The following TCERG1L variants were observed in gnomAD, a reference collection of about 807,000 sequenced individuals.
TCERG1L encodes the protein transcription elongation regulator 1-like protein.
TCERG1L carries 37 observed loss-of-function variants against 56.3 expected under a neutral mutation model. The observed-to-expected ratio is 0.66, with a 90% CI of 0.51 to 0.87. The LOEUF (loss-of-function observed/expected upper bound fraction) is 0.87. Among genes scored for constraint, TCERG1L ranks in the 40% least tolerant of loss-of-function variants. The pLI, the probability that TCERG1L is intolerant of heterozygous loss-of-function variation, is 0.00. For missense variants in TCERG1L, 799 were observed against 774.2 expected (o/e 1.03, Z -0.38); for synonymous variants, 324 against 326.3 (o/e 0.99, Z 0.08).
At chr10:131,144,879 C>G (rs901178046) in intron 7 of TCERG1L, among the ~76,000 whole-genome samples, 3 of 152,210 alleles carry the variant, frequency 2.0e-5, no homozygotes, top group Admixed American at 6.5e-5. Flanking sequence ...AGGCCCCTGT[C>G]GTCCACCCAC....
chr10:131,093,490 C>T (rs994113382), intron 11 of TCERG1L, among the ~76,000 whole-genome samples, 172 bp from the exon 12 acceptor site: 1 of 152,122 alleles, frequency 6.6e-6, no homozygotes, highest in South Asian at 2.1e-4. Flanking sequence ...TGCTCCTCAC[C>T]CGGGTCCTGC....
chr10:131,201,868 G>A (rs1017179157), intron 4 of TCERG1L, among the ~76,000 whole-genome samples: 4 of 152,120 alleles, frequency 2.6e-5, no homozygotes, highest in East Asian at 1.9e-4. Flanking sequence ...CCACCACCAC[G>A]CTGTGCTGAA....
At chr10:131,197,296 C>T (rs1378821394) in intron 4 of TCERG1L, among the ~76,000 whole-genome samples, 1 of 152,110 alleles carries the variant, frequency 6.6e-6, no homozygotes. Context: ...ATTCTCCTGC[C>T]TCAGCCTCCC....
Position 131,100,583 on chromosome 10 carries a change from G to A in TCERG1L, c.1486-2159C>T, listed in dbSNP as rs190054023. Among the ~76,000 whole-genome samples the A allele has an allele frequency of 4.1e-3, 617 of 152,190 alleles. 4 individuals carry two copies. The highest frequency in any genetic ancestry group is 0.014 in the African/African-American group (582 of 41,534). On this transcript the variant is annotated intron_variant, in intron 10 of 11. Coordinates refer to ENST00000368642, the MANE Select transcript of TCERG1L (RefSeq NM_174937.4). ...TGTTATATCATTGCTGTATGTTCTAGCGCAAAAAAACAAAACACTATTTGT... is the reference window on the plus strand; with the variant it reads ...TGTTATATCATTGCTGTATGTTCTAACGCAAAAAAACAAAACACTATTTGT...
chr10:131,158,778 G>T (rs560772010), intron 6 of TCERG1L, among the ~76,000 whole-genome samples: 2 of 152,196 alleles, frequency 1.3e-5, no homozygotes, highest in African/African-American at 2.4e-5. Context: ...AGTGCCAAGC[G>T]GACCATCGCA....
At chr10:131,170,458 G>C (rs1451820168) in intron 4 of TCERG1L, among the ~76,000 whole-genome samples, 1 of 151,976 alleles carries the variant, frequency 6.6e-6, no homozygotes, top group Non-Finnish European at 1.5e-5. Flanking sequence ...AGGCACGGCG[G>C]TAATACCTTT....
chr10:131,268,241 T>C (rs1475884422), intron 3 of TCERG1L, among the ~76,000 whole-genome samples: 5 of 152,232 alleles, frequency 3.3e-5, no homozygotes, highest in African/African-American at 1.2e-4. Context: ...GGACTGCTGC[T>C]GCCATTCATA....
intron 4 of TCERG1L, among the ~76,000 whole-genome samples, chr10:131,177,677 G>A (rs543360867): frequency 6.6e-6 from 1 of 152,256 alleles, no homozygotes; most frequent in South Asian, 2.1e-4. Flanking sequence ...ACCCCCATCT[G>A]GACAGCCCCT....
chr10:131,134,138 G>T (rs996911804), intron 8 of TCERG1L, among the ~76,000 whole-genome samples: 1 of 152,130 alleles, frequency 6.6e-6, no homozygotes, highest in African/African-American at 2.4e-5. Flanking sequence ...TGGGCGCCTG[G>T]GTAGGCTGGG....
In TCERG1L at chr10:131,242,657, T is replaced by A. The variant is rs200379166; in HGVS notation, c.856+17602A>T. Among the ~76,000 whole-genome samples, 44 of 152,324 alleles carry A rather than the reference T, an allele frequency of 2.9e-4. 1 individual carries two copies. The East Asian group carries it at 7.0e-3, about 24-fold the overall frequency. On this transcript the variant is annotated intron_variant, in intron 4 of 11. Coordinates refer to ENST00000368642, the MANE Select transcript of TCERG1L (RefSeq NM_174937.4). Reference sequence around the variant, plus strand: ...TCCAGCTTTGAAATACTTGCAGAAATACATACTCGTTGACCATCTCTAGGC... The same window carrying A: ...TCCAGCTTTGAAATACTTGCAGAAAAACATACTCGTTGACCATCTCTAGGC...
intron 4 of TCERG1L, among the ~76,000 whole-genome samples, chr10:131,199,899 T>A (rs867722625): frequency 2.6e-5 from 4 of 152,334 alleles, no homozygotes; most frequent in Middle Eastern, 3.4e-3. Flanking sequence ...CCTAGAAGTG[T>A]GTCCCGGCGG....
At chr10:131,219,536 G>A (rs552943996) in intron 4 of TCERG1L, among the ~76,000 whole-genome samples, 111 of 152,280 alleles carry the variant, frequency 7.3e-4, no homozygotes, top group Admixed American at 2.1e-3. Flanking sequence ...CTGAGTGACC[G>A]TCCACAAAGG....
chr10:131,197,690 G>T (rs1490723301), intron 4 of TCERG1L, among the ~76,000 whole-genome samples: 2 of 152,130 alleles, frequency 1.3e-5, no homozygotes, highest in Non-Finnish European at 2.9e-5. Flanking sequence ...GCAGATAGCA[G>T]GACACACCAG....
At chr10:131,245,460 A>G (rs1057374377) in intron 4 of TCERG1L, among the ~76,000 whole-genome samples, 3 of 152,184 alleles carry the variant, frequency 2.0e-5, no homozygotes, top group African/African-American at 7.2e-5. Flanking sequence ...AGCTTCCTAA[A>G]AGCCCACAGT....
intron 3 of TCERG1L, among the ~76,000 whole-genome samples, chr10:131,301,837 A>C (rs776472622): frequency 9.9e-5 from 15 of 152,160 alleles, no homozygotes; most frequent in South Asian, 2.1e-4. Flanking sequence ...TAACAATTAC[A>C]GATAAATATA....
At chr10:131,280,882 C>T (rs958098976) in intron 3 of TCERG1L, among the ~76,000 whole-genome samples, 6 of 152,312 alleles carry the variant, frequency 3.9e-5, no homozygotes, top group Admixed American at 6.5e-5. Context: ...AAGCGACTGT[C>T]CTTTTCGTCT....
rs79752560 is a variant in TCERG1L, at chr10:131,267,221, A to C, written c.671-6777T>G. Among the ~76,000 whole-genome samples, 3,161 of 152,176 alleles carry C rather than the reference A, an allele frequency of 0.021. 81 individuals are homozygous for C. Among genetic ancestry groups the C allele is most frequent in the East Asian group, 0.089 (461 of 5,164 alleles). On this transcript the variant is annotated intron_variant, in intron 3 of 11. Transcript: ENST00000368642. The surrounding 1 kb of genome is among the most constrained non-coding windows in gnomAD (Gnocchi z 4.9). ...CTCATTGGTGCCCAAAGTCCAGAGA[A>C]TCTGAGGCAGCAGGGCACTGCACAT...
intron 4 of TCERG1L, among the ~76,000 whole-genome samples, chr10:131,202,142 C>G (rs1022594701): frequency 1.3e-5 from 2 of 152,174 alleles, no homozygotes; most frequent in Non-Finnish European, 2.9e-5. Context: ...ACCAGCTGCA[C>G]GTGAGCCTCC....
At chr10:131,259,586 G>T (rs1268395029) in intron 4 of TCERG1L, among the ~76,000 whole-genome samples, 1 of 152,210 alleles carries the variant, frequency 6.6e-6, no homozygotes, top group East Asian at 1.9e-4. Flanking sequence ...CTGCAGATGG[G>T]ACCCAGGGCC....
Sources: gnomAD v4.1 joint callset for allele counts (sites outside exome capture counted in the v4.1 genomes callset) on GRCh38, gnomAD v4.1.1 for gene constraint, Gnocchi (gnomAD v3.1) non-coding constraint, MANE v1.5 for transcripts, NCBI Gene and HGNC (gene_info 2026-07-23, HGNC 2026-07-21) for gene names.